The following NXPE4 variants were observed in gnomAD, a reference collection of about 807,000 sequenced individuals.
The protein encoded by NXPE4 is NXPE family member 4.
Under a neutral mutation model 33.3 loss-of-function variants are expected in NXPE4, and 42 were observed. The observed-to-expected ratio is 1.26, with a 90% CI of 0.98 to 1.63. The LOEUF (loss-of-function observed/expected upper bound fraction) is 1.63. NXPE4 is among the 40% of genes most tolerant of loss of function. NXPE4 has a pLI of 0.00. For missense variants in NXPE4, 709 were observed against 647.6 expected (o/e 1.09, Z -1.03); for synonymous variants, 253 against 234.9 (o/e 1.08, Z -0.71).
the NXPE4 span, among the ~76,000 whole-genome samples, chr11:114,653,169 A>C: frequency 6.6e-6 from 1 of 152,254 alleles, no homozygotes; most frequent in Admixed American, 6.5e-5. Context: ...TTATAAAAGT[A>C]TCTGGAGAAA....
At chr11:114,596,381 G>T (rs1949572847), upstream of NXPE4, among the ~76,000 whole-genome samples, 2 of 152,178 alleles carry the variant, frequency 1.3e-5, no homozygotes, top group Non-Finnish European at 2.9e-5. Flanking sequence ...GTAGCTGCTG[G>T]CCCTGTGGCT....
the NXPE4 span, among the ~76,000 whole-genome samples, chr11:114,637,251 T>G: frequency 2.2e-4 from 33 of 151,972 alleles, no homozygotes; most frequent in African/African-American, 6.7e-4. Context: ...CTTTGTTGGT[T>G]TAAAGTCTGT....
the NXPE4 span, among the ~76,000 whole-genome samples, chr11:114,614,936 C>G: frequency 1.3e-5 from 2 of 151,296 alleles, no homozygotes; most frequent in African/African-American, 2.4e-5. Context: ...AGTATTGCCT[C>G]TTGGGTTACC....
At chr11:114,651,346 C>G in the NXPE4 span, among the ~76,000 whole-genome samples, 1 of 151,530 alleles carries the variant, frequency 6.6e-6, no homozygotes, top group African/African-American at 2.4e-5. Context: ...GGTGGCACGT[C>G]CGGAGTTGTT....
chr11:114,581,654 C>T (rs956799029), intron 4 of NXPE4, 71 bp downstream of exon 4: 1 of 1,259,620 alleles, frequency 7.9e-7, no homozygotes, highest in African/African-American at 1.5e-5. Context: ...GTGAACAAAT[C>T]CAGTAGAAAG....
the NXPE4 span, among the ~76,000 whole-genome samples, chr11:114,662,090 G>A: frequency 0.88 from 134,130 of 152,156 alleles, 59,484 homozygotes; most frequent in Non-Finnish European, 0.92. Context: ...AGAACCAAAA[G>A]TCAGTACCTC....
At chr11:114,627,062 C>T in the NXPE4 span, among the ~76,000 whole-genome samples, 2,199 of 151,816 alleles carry the variant, frequency 0.014, 31 homozygotes, top group African/African-American at 0.05. Flanking sequence ...CTGAAAGTGA[C>T]GGGGTGAATG....
chr11:114,588,202 G>A (rs990362117), intron 2 of NXPE4, among the ~76,000 whole-genome samples: 3 of 152,050 alleles, frequency 2.0e-5, no homozygotes, highest in African/African-American at 7.2e-5. Flanking sequence ...GCCCCCTCCA[G>A]CTGTGCCATC....
At chr11:114,668,696 A>T in the NXPE4 span, among the ~76,000 whole-genome samples, 1 of 151,978 alleles carries the variant, frequency 6.6e-6, no homozygotes, top group South Asian at 2.1e-4. Context: ...ACTTATCTTT[A>T]TATTTTCTTC....
chr11:114,601,468 A>T, the NXPE4 span, among the ~76,000 whole-genome samples: 4 of 121,904 alleles, frequency 3.3e-5, no homozygotes, highest in Admixed American at 2.4e-4. Flanking sequence ...ATATAATATA[A>T]AATTTATATA....
the NXPE4 span, among the ~76,000 whole-genome samples, chr11:114,626,034 G>A: frequency 4.5e-4 from 69 of 152,352 alleles, no homozygotes; most frequent in Non-Finnish European, 6.8e-4. Context: ...TACGCCCACG[G>A]AGTCTCACTG....
At chr11:114,636,295 A>G in the NXPE4 span, among the ~76,000 whole-genome samples, 29 of 151,536 alleles carry the variant, frequency 1.9e-4, no homozygotes, top group African/African-American at 4.4e-4. Flanking sequence ...TATTTCTGTG[A>G]GATCGGTGGT....
At chr11:114,614,324 C>T in the NXPE4 span, among the ~76,000 whole-genome samples, 107 of 151,434 alleles carry the variant, frequency 7.1e-4, no homozygotes, top group African/African-American at 2.4e-3. Context: ...TAGGTAACCA[C>T]GGTTACCTGA....
At chr11:114,600,257 G>A (rs913462478), upstream of NXPE4, among the ~76,000 whole-genome samples, 3 of 152,126 alleles carry the variant, frequency 2.0e-5, no homozygotes, top group African/African-American at 7.2e-5. Context: ...TAACCAGTAA[G>A]AAGACATATC....
the NXPE4 span, among the ~76,000 whole-genome samples, chr11:114,645,006 TAA>T: frequency 6.9e-6 from 1 of 145,076 alleles, no homozygotes. Flanking sequence ...TTCACACTAT[TAA>T]AAAAAAAAAC....
At chr11:114,635,376 G>A in the NXPE4 span, among the ~76,000 whole-genome samples, 1 of 150,372 alleles carries the variant, frequency 6.7e-6, no homozygotes, top group Admixed American at 6.6e-5. Context: ...TGAGACAATG[G>A]GGTTTTCTAG....
intron 5 of NXPE4, among the ~76,000 whole-genome samples, chr11:114,575,564 C>G (rs1948978343): frequency 6.6e-6 from 1 of 151,884 alleles, no homozygotes; most frequent in African/African-American, 2.4e-5. Context: ...AGCCGAGAAT[C>G]AAATCAAGAG....
the NXPE4 span, among the ~76,000 whole-genome samples, chr11:114,642,482 T>C: frequency 6.6e-6 from 1 of 152,016 alleles, no homozygotes; most frequent in Non-Finnish European, 1.5e-5. Context: ...GTCCATGTGT[T>C]CTCATTGTTC....
At chr11:114,633,432 T>C in the NXPE4 span, among the ~76,000 whole-genome samples, 20,496 of 145,856 alleles carry the variant, frequency 0.14, 1,847 homozygotes, top group East Asian at 0.38. Context: ...TACAATATAG[T>C]ATAGTATACA....
Sources: gnomAD v4.1 joint callset for allele counts (sites outside exome capture counted in the v4.1 genomes callset) on GRCh38, gnomAD v4.1.1 for gene constraint, MANE v1.5 for transcripts, NCBI Gene and HGNC (gene_info 2026-07-23, HGNC 2026-07-21) for gene names.